Variants in NCOA6 observed in about 807,000 individuals in gnomAD.
The protein encoded by NCOA6 is NRC RAP250.
Under a neutral mutation model 171.4 loss-of-function variants are expected in NCOA6, and 49 were observed. That is an observed-to-expected ratio of 0.29 (90% CI 0.23 to 0.36). The LOEUF is 0.36. NCOA6 is among the 10% of genes least tolerant of loss of function. The pLI is 1.00. For synonymous variants in NCOA6, 910 were observed against 927.5 expected (o/e 0.98, Z 0.34); for missense variants, 2,248 against 2,554.5 (o/e 0.88, Z 2.59).
rs777843549 is a variant in NCOA6, at chr20:34,743,338, T to A, written c.2918A>T (p.Tyr973Phe). 4 of 1,597,954 alleles carry A rather than the reference T, an allele frequency of 2.5e-6. No individual in the cohort carries two copies. The South Asian group carries it at 4.4e-5, about 18-fold the overall frequency. Residue 973 changes from tyrosine to phenylalanine, a missense_variant, in exon 11 of 15, where the codon TAT (tyrosine) becomes TTT (phenylalanine). By Grantham distance (22) the Tyr-to-Phe change is conservative. Around this residue, in one of 7 missense-constraint regions of NCOA6, gnomAD observed 352 missense variants for 419.1 expected, o/e 0.84. Transcript: ENST00000359003. Reference protein sequence around the residue: ...LPEFSNRPPGYPSQPVEQRPL... With the variant: ...LPEFSNRPPGFPSQPVEQRPL... Reference sequence around the variant, plus strand: ...CCTCTGTTCAACTGGTTGAGAAGGATAACCTAAAACAAGCCCCCCAAATTA... The same window carrying A: ...CCTCTGTTCAACTGGTTGAGAAGGAAAACCTAAAACAAGCCCCCCAAATTA...
At chr20:34,754,651 C>G (rs2076591173) in intron 8 of NCOA6, 71 bp downstream of exon 8, 1 of 1,574,870 alleles carries the variant, frequency 6.3e-7, no homozygotes, top group South Asian at 1.1e-5. Flanking sequence ...TATCTGTATA[C>G]TCCTGTTGTC....
At chr20:34,763,741 T>A (rs577321558) in intron 5 of NCOA6, among the ~76,000 whole-genome samples, 1 of 152,222 alleles carries the variant, frequency 6.6e-6, no homozygotes, top group East Asian at 1.9e-4. Context: ...AGAAGACAAT[T>A]CCACAACACC....
At chr20:34,808,819 C>G (rs1465049483) in intron 1 of NCOA6, among the ~76,000 whole-genome samples, 1 of 152,186 alleles carries the variant, frequency 6.6e-6, no homozygotes, top group East Asian at 1.9e-4. Flanking sequence ...AAATCACAAT[C>G]TGCTGGGGAA....
intron 2 of NCOA6, among the ~76,000 whole-genome samples, chr20:34,785,866 A>G (rs2077660139): frequency 7.3e-6 from 1 of 137,132 alleles, no homozygotes; most frequent in Non-Finnish European, 1.6e-5. Flanking sequence ...TATGGGCATT[A>G]CACAGTACTT....
chr20:34,820,723 A>G (rs1002440143), intron 1 of NCOA6: 2 of 150,162 alleles, frequency 1.3e-5, no homozygotes, highest in Admixed American at 1.3e-4. Flanking sequence ...ATGAGCTGAG[A>G]TGGCACGACT....
chr20:34,730,999 G>C (rs1275258035), intron 13 of NCOA6, among the ~76,000 whole-genome samples: 1 of 148,500 alleles, frequency 6.7e-6, no homozygotes, highest in African/African-American at 2.5e-5. Context: ...GAGCCACTGA[G>C]CCCGGCCGTT....
intron 2 of NCOA6, among the ~76,000 whole-genome samples, chr20:34,784,739 C>T (rs2077618381): frequency 6.6e-6 from 1 of 151,988 alleles, no homozygotes; most frequent in Non-Finnish European, 1.5e-5. Flanking sequence ...TACGATAGTG[C>T]CACTGCATTC....
Position 34,775,181 on chromosome 20 carries a change from GAGGAA to G in NCOA6, c.391+1107_391+1111del, listed in dbSNP as rs1440134454. On this transcript the variant is annotated intron_variant, in intron 4 of 14. Transcript: ENST00000359003. ...AAAGTTACACAAGATAAGGCTGGAT[GAGGAA>G]GGTAGAGGTGAGACCATGCAAAGCC... Among the ~76,000 whole-genome samples, 29 of 152,282 alleles carry G rather than the reference GAGGAA, an allele frequency of 1.9e-4. 1 individual carries two copies. The highest frequency in any genetic ancestry group is 6.7e-4 in the African/African-American group (28 of 41,564).
intron 3 of NCOA6, among the ~76,000 whole-genome samples, chr20:34,780,778 CGAGTAGCTGGGACTA>C (rs1303437145): frequency 1.3e-5 from 2 of 152,226 alleles, no homozygotes; most frequent in Non-Finnish European, 2.9e-5. Flanking sequence ...CTCAGCCTCT[CGAGTAGCTGGGACTA>C]CAGGTGCATG....
intron 14 of NCOA6, among the ~76,000 whole-genome samples, chr20:34,722,252 G>A (rs1227105085): frequency 2.0e-5 from 3 of 151,230 alleles, no homozygotes; most frequent in South Asian, 2.1e-4. Flanking sequence ...GTGGTGGTAC[G>A]CGCCTGTAAT....
chr20:34,756,755 C>T (rs1257441467), intron 7 of NCOA6, among the ~76,000 whole-genome samples: 1 of 152,174 alleles, frequency 6.6e-6, no homozygotes. Flanking sequence ...TTTAACCAAA[C>T]TTAACAAGTA....
chr20:34,805,046 T>C (rs1473772165), intron 1 of NCOA6, among the ~76,000 whole-genome samples: 1 of 150,866 alleles, frequency 6.6e-6, no homozygotes, highest in African/African-American at 2.4e-5. Context: ...TTATACCCTT[T>C]TTTTTTTTTT....
At chr20:34,766,544 TTGAC>T (rs2076988776) in intron 5 of NCOA6, among the ~76,000 whole-genome samples, 1 of 152,150 alleles carries the variant, frequency 6.6e-6, no homozygotes, top group African/African-American at 2.4e-5. Flanking sequence ...GGAGGAACAC[TTGAC>T]CCTGTCTCAA....
chr20:34,800,663 A>G (rs1239251645), intron 1 of NCOA6, among the ~76,000 whole-genome samples: 8 of 152,184 alleles, frequency 5.3e-5, no homozygotes, highest in African/African-American at 1.9e-4. Flanking sequence ...AGAAGATGTA[A>G]CAATTATAAA....
intron 13 of NCOA6, 34 bp downstream of exon 13, chr20:34,732,525 G>A: frequency 6.2e-7 from 1 of 1,607,652 alleles, no homozygotes; most frequent in Non-Finnish European, 8.5e-7. Context: ...CTTATGCTGT[G>A]TTCATGCTAC....
intron 5 of NCOA6, among the ~76,000 whole-genome samples, chr20:34,768,202 T>C (rs1222947833): frequency 1.3e-5 from 2 of 152,178 alleles, no homozygotes; most frequent in East Asian, 3.8e-4. Flanking sequence ...GCACAGGTCA[T>C]GTCACACAAC....
At chr20:34,788,130 G>A (rs1332660758) in intron 2 of NCOA6, among the ~76,000 whole-genome samples, 1 of 151,934 alleles carries the variant, frequency 6.6e-6, no homozygotes, top group African/African-American at 2.4e-5. Flanking sequence ...GCCTCCTACT[G>A]TACCTGGCCA....
chr20:34,792,831 G>A (rs189138913), intron 1 of NCOA6, among the ~76,000 whole-genome samples: 64 of 144,982 alleles, frequency 4.4e-4, no homozygotes, highest in South Asian at 3.0e-3. Context: ...CCAGGCTGGA[G>A]TGCAGTAACA....
Position 34,757,926 on chromosome 20 carries a change from CTGCTGCTGCTGCTGCTGTTGTTGTTGT to C in NCOA6, c.795_821del (p.Gln277_Gln285del), listed in dbSNP as rs758855874. 15 of 1,612,692 alleles carry C rather than the reference CTGCTGCTGCTGCTGCTGTTGTTGTTGT, an allele frequency of 9.3e-6. No homozygotes were observed. The highest frequency in any genetic ancestry group is 2.7e-5 in the African/African-American group (2 of 74,702). On this transcript the variant is annotated inframe_deletion, in exon 7 of 15. Coordinates refer to ENST00000359003, the MANE Select transcript of NCOA6 (RefSeq NM_014071.5). ...GCTGCTGTTGCTGTTGTTGCTGCTG[CTGCTGCTGCTGCTGCTGTTGTTGTTGT>C]TGCTGCTGCTGCTGCAGCTGGGGAA...
Sources: allele counts gnomAD v4.1 joint callset (sites outside exome capture counted in the v4.1 genomes callset), GRCh38; gene constraint gnomAD v4.1.1; regional missense constraint gnomAD v4.1.1; transcripts MANE v1.5; gene names NCBI Gene and HGNC (gene_info 2026-07-23, HGNC 2026-07-21).